The following LRBA variants were observed in gnomAD, a reference collection of about 807,000 sequenced individuals.
LRBA encodes the protein lipopolysaccharide-responsive and beige-like anchor protein.
In LRBA, 176 loss-of-function variants were observed where a neutral mutation model predicts 330.0. The ratio of observed to expected loss-of-function variants is 0.53; its 90% confidence interval spans 0.47 to 0.60. The LOEUF is 0.60. Ranked by LOEUF, LRBA falls within the 20% of genes least tolerant of loss-of-function variation. The pLI is 0.00. For synonymous variants in LRBA, 1,230 were observed against 1,193.0 expected (o/e 1.03, Z -0.64); for missense variants, 3,259 against 3,444.8 (o/e 0.95, Z 1.35).
At chr4:150,601,403 C>T (rs746215951) in intron 37 of LRBA, among the ~76,000 whole-genome samples, 3 of 152,166 alleles carry the variant, frequency 2.0e-5, no homozygotes, top group African/African-American at 7.2e-5. Flanking sequence ...TTTTATCACA[C>T]AGCAGAAAAA....
chr4:150,569,260 G>T (rs935118831), intron 40 of LRBA, among the ~76,000 whole-genome samples: 5 of 152,112 alleles, frequency 3.3e-5, no homozygotes, highest in African/African-American at 1.2e-4. Flanking sequence ...TCGCAGAATT[G>T]TGTTAGATTA....
At chr4:150,833,974 G>A (rs947008473) in intron 28 of LRBA, among the ~76,000 whole-genome samples, 5 of 152,112 alleles carry the variant, frequency 3.3e-5, no homozygotes, top group African/African-American at 9.7e-5. Context: ...TCCATTGTAG[G>A]AAACCAATTT....
chr4:150,849,527 G>T lies in LRBA; in HGVS notation c.4053C>A (p.Val1351=). ...GATGAATTGTGTTGTGTACAAAGATGACATTATCACTGCTATTCACGAAGT... is the reference window on the plus strand; with the variant it reads ...GATGAATTGTGTTGTGTACAAAGATTACATTATCACTGCTATTCACGAAGT... ...VMDFVNSSDN[V]IFVHNTIHLI... The change falls in exon 25 of 57, where the codon GTC becomes GTA. Residue 1351 remains valine (V), a synonymous_variant. Transcript: ENST00000651943. 1 of 1,613,150 alleles carries T rather than the reference G, an allele frequency of 6.2e-7. No individual in the cohort carries two copies. Among genetic ancestry groups the T allele is most frequent in the Non-Finnish European group, 8.5e-7 (1 of 1,179,124 alleles).
At chr4:150,745,833 T>G (rs1732639180) in intron 35 of LRBA, among the ~76,000 whole-genome samples, 1 of 152,122 alleles carries the variant, frequency 6.6e-6, no homozygotes. Context: ...TCTTGTGTGT[T>G]CTATTTTCAA....
At chr4:150,925,917 C>G (rs561351599) in intron 4 of LRBA, among the ~76,000 whole-genome samples, 2 of 151,704 alleles carry the variant, frequency 1.3e-5, no homozygotes, top group African/African-American at 2.4e-5. Flanking sequence ...CAAAATGTAT[C>G]AAACAAAAAC....
chr4:150,675,695 G>A (rs1457767495), intron 37 of LRBA, among the ~76,000 whole-genome samples: 1 of 151,714 alleles, frequency 6.6e-6, no homozygotes, highest in Non-Finnish European at 1.5e-5. Context: ...TCCAACCTGG[G>A]CGACAAAGCG....
intron 35 of LRBA, among the ~76,000 whole-genome samples, chr4:150,742,694 C>G (rs1247491092): frequency 6.6e-6 from 1 of 151,940 alleles, no homozygotes; most frequent in African/African-American, 2.4e-5. Flanking sequence ...TTGAGACAAG[C>G]CTGGGTAAAA....
At chr4:150,553,987 G>A (rs2152253419) in intron 40 of LRBA, among the ~76,000 whole-genome samples, 1 of 152,266 alleles carries the variant, frequency 6.6e-6, no homozygotes, top group South Asian at 2.1e-4. Flanking sequence ...TCATTTAAGA[G>A]CATCTTCTCT....
At chr4:150,979,805 A>G (rs1740632944) in intron 2 of LRBA, among the ~76,000 whole-genome samples, 1 of 152,208 alleles carries the variant, frequency 6.6e-6, no homozygotes, top group Non-Finnish European at 1.5e-5. Flanking sequence ...CAGACCAATA[A>G]CAAGTAATGA....
At chr4:150,969,748 G>A (rs969584244) in intron 2 of LRBA, among the ~76,000 whole-genome samples, 2 of 152,168 alleles carry the variant, frequency 1.3e-5, no homozygotes, top group African/African-American at 4.8e-5. Flanking sequence ...GAGATTACAG[G>A]CGTGAGCCAC....
chr4:150,300,293 A>C (rs1316659251), intron 53 of LRBA, among the ~76,000 whole-genome samples: 5 of 152,068 alleles, frequency 3.3e-5, no homozygotes, highest in African/African-American at 1.2e-4. Flanking sequence ...AATTTAATTC[A>C]GTCAAGATAC....
intron 48 of LRBA, among the ~76,000 whole-genome samples, chr4:150,346,757 C>CAAAAAAAA (rs57119340): frequency 1.1e-4 from 7 of 66,136 alleles, no homozygotes; most frequent in African/African-American, 3.9e-4. Flanking sequence ...GACTCTGTCT[C>CAAAAAAAA]AAAAAAAAAA....
At chr4:150,377,762 T>C (rs1295231478) in intron 47 of LRBA, among the ~76,000 whole-genome samples, 1 of 152,136 alleles carries the variant, frequency 6.6e-6, no homozygotes, top group Non-Finnish European at 1.5e-5. Flanking sequence ...TTTATACCAA[T>C]TTATTTATTT....
At chr4:150,334,447 CAG>C (rs1734365546) in intron 48 of LRBA, among the ~76,000 whole-genome samples, 2 of 151,916 alleles carry the variant, frequency 1.3e-5, no homozygotes, top group Admixed American at 1.3e-4. Context: ...GACATAAAGA[CAG>C]ATATCTAAGA....
Position 150,793,037 on chromosome 4 carries a change from G to A in LRBA, c.5580+5044C>T, listed in dbSNP as rs529584695. ...GGAGGTTGCAGTGAGCCAAGACCAC[G>A]CCATTGCACTCCAGCCTGGGCGACA... On this transcript the variant is annotated intron_variant, in intron 34 of 56. Transcript: ENST00000651943. Among the ~76,000 whole-genome samples the A allele has an allele frequency of 5.2e-4, 79 of 151,764 alleles. 1 individual carries two copies. Among genetic ancestry groups the A allele is most frequent in the African/African-American group, 1.7e-3 (72 of 41,324 alleles).
intron 2 of LRBA, among the ~76,000 whole-genome samples, chr4:150,988,309 T>G (rs1741679718): frequency 6.6e-6 from 1 of 152,166 alleles, no homozygotes; most frequent in Non-Finnish European, 1.5e-5. Context: ...TGGATATTAT[T>G]TCATCAATTT....
chr4:150,310,652 T>C, intron 51 of LRBA: 1 of 298,876 alleles, frequency 3.3e-6, no homozygotes. Flanking sequence ...CAGAACATGC[T>C]TTCTAGCTCT....
At chr4:150,437,622 T>C (rs763274677) in intron 44 of LRBA, among the ~76,000 whole-genome samples, 6 of 151,338 alleles carry the variant, frequency 4.0e-5, no homozygotes, top group Non-Finnish European at 8.8e-5. Context: ...AATAATACTT[T>C]ACAGCAGAGG....
intron 37 of LRBA, among the ~76,000 whole-genome samples, chr4:150,618,762 G>A (rs542790175): frequency 5.9e-5 from 9 of 151,488 alleles, no homozygotes; most frequent in Non-Finnish European, 8.8e-5. Flanking sequence ...TTTAGCTACA[G>A]AAGTGTTAAA....
Sources: allele counts gnomAD v4.1 joint callset (sites outside exome capture counted in the v4.1 genomes callset), GRCh38; gene constraint gnomAD v4.1.1; transcripts MANE v1.5; gene names NCBI Gene and HGNC (gene_info 2026-07-23, HGNC 2026-07-21).